Variants in EEIG1 observed in about 807,000 individuals in gnomAD.
The protein encoded by EEIG1 is estrogen-induced osteoclastogenesis regulator 1.
the EEIG1 span, chr9:127,945,903 C>T: frequency 4.8e-6 from 3 of 630,038 alleles, no homozygotes; most frequent in South Asian, 5.7e-5. This position sits in a 1 kb window ranked among gnomAD's most constrained non-coding sequence, Gnocchi z 6.5. Context: ...AGCAACCAGC[C>T]TGAGCCATAG....
At chr9:127,963,403 C>T in the EEIG1 span, among the ~76,000 whole-genome samples, 1 of 152,224 alleles carries the variant, frequency 6.6e-6, no homozygotes, top group African/African-American at 2.4e-5. Flanking sequence ...GGCGTGCTTC[C>T]CCCGCTCCCC....
chr9:127,944,986 G>A, the EEIG1 span: 57 of 1,474,392 alleles, frequency 3.9e-5, 1 homozygote, highest in Admixed American at 7.6e-4. Flanking sequence ...CCAGTCAGCC[G>A]CAGCGGCGCT....
At chr9:127,980,037 T>C in the EEIG1 span, 2 of 1,613,732 alleles carry the variant, frequency 1.2e-6, no homozygotes, top group Non-Finnish European at 1.7e-6. Flanking sequence ...CAGCCGGACC[T>C]TGCAGAAGAG....
At chr9:127,944,493 G>A in the EEIG1 span, 1 of 715,094 alleles carries the variant, frequency 1.4e-6, no homozygotes, top group South Asian at 1.6e-5. Flanking sequence ...GACATGACAG[G>A]CCCAGGGTCA....
chr9:127,978,705 C>G, the EEIG1 span, among the ~76,000 whole-genome samples: 3 of 151,984 alleles, frequency 2.0e-5, no homozygotes, highest in Admixed American at 6.5e-5. Context: ...ATCGTGGTAG[C>G]GTGCGCCTGT....
chr9:127,942,002 T>TG, the EEIG1 span: 1 of 152,734 alleles, frequency 6.5e-6, no homozygotes. Flanking sequence ...TACAAGGACT[T>TG]GGGGGAAAGT....
the EEIG1 span, among the ~76,000 whole-genome samples, chr9:127,967,088 T>C: frequency 6.6e-6 from 1 of 152,230 alleles, no homozygotes; most frequent in Admixed American, 6.5e-5. Context: ...ACCAGGTTTA[T>C]GCCAAGGGAG....
chr9:127,953,463 T>A, the EEIG1 span: 1 of 865,428 alleles, frequency 1.2e-6, no homozygotes. Flanking sequence ...ACATCTCAGG[T>A]AGGGCTGAGT....
the EEIG1 span, among the ~76,000 whole-genome samples, chr9:127,964,269 G>A: frequency 6.6e-6 from 1 of 152,228 alleles, no homozygotes; most frequent in African/African-American, 2.4e-5. Flanking sequence ...ACAGAGGGAG[G>A]ATGCAGAGAA....
the EEIG1 span, among the ~76,000 whole-genome samples, chr9:127,964,206 A>G: frequency 1.3e-5 from 2 of 152,180 alleles, no homozygotes; most frequent in Non-Finnish European, 2.9e-5. Context: ...TACCCATCAC[A>G]TGGGGCTGTT....
chr9:127,944,871 G>A, the EEIG1 span: 3 of 1,612,462 alleles, frequency 1.9e-6, no homozygotes, highest in Non-Finnish European at 1.7e-6. Context: ...CCCAGGTCGG[G>A]TGGCTCTCCA....
At chr9:127,943,051 G>A in the EEIG1 span, 27 of 750,828 alleles carry the variant, frequency 3.6e-5, no homozygotes, top group Non-Finnish European at 6.3e-5. Context: ...GATGCTACGG[G>A]GAGTGTGGAC....
the EEIG1 span, among the ~76,000 whole-genome samples, chr9:127,967,593 C>T: frequency 1.3e-5 from 2 of 152,208 alleles, no homozygotes; most frequent in South Asian, 4.1e-4. Context: ...TCCCCAGGAT[C>T]CATGCCCACA....
the EEIG1 span, among the ~76,000 whole-genome samples, chr9:127,975,067 G>A: frequency 6.6e-6 from 1 of 152,248 alleles, no homozygotes; most frequent in African/African-American, 2.4e-5. Flanking sequence ...GATTCAACCA[G>A]CATTCCACAG....
chr9:127,964,828 G>A, the EEIG1 span, among the ~76,000 whole-genome samples: 198 of 152,256 alleles, frequency 1.3e-3, 2 homozygotes, highest in African/African-American at 4.4e-3. Flanking sequence ...GCAGCCAGGC[G>A]CGGTGGCTCA....
chr9:127,952,438 A>G, the EEIG1 span, among the ~76,000 whole-genome samples: 2 of 152,224 alleles, frequency 1.3e-5, no homozygotes, highest in African/African-American at 4.8e-5. Flanking sequence ...CATGGAGAAG[A>G]GGGATGGAAG....
At chr9:127,941,755 A>T in the EEIG1 span, 1 of 152,248 alleles carries the variant, frequency 6.6e-6, no homozygotes, top group African/African-American at 2.4e-5. Flanking sequence ...GCTGGGCCCC[A>T]GCGCTGCTGG....
At chr9:127,962,360 T>C in the EEIG1 span, among the ~76,000 whole-genome samples, 2 of 152,202 alleles carry the variant, frequency 1.3e-5, no homozygotes, top group Admixed American at 6.5e-5. Context: ...TCCTTTGTCT[T>C]GAACAGAAAG....
chr9:127,947,350 T>C, the EEIG1 span, among the ~76,000 whole-genome samples: 1 of 150,382 alleles, frequency 6.6e-6, no homozygotes, highest in East Asian at 2.0e-4. Flanking sequence ...GCAGGAGAAA[T>C]GCTTGAACCT....
Sources: allele counts gnomAD v4.1 joint callset (sites outside exome capture counted in the v4.1 genomes callset), GRCh38; gene constraint gnomAD v4.1.1; non-coding constraint Gnocchi (gnomAD v3.1); transcripts MANE v1.5; gene names NCBI Gene and HGNC (gene_info 2026-07-23, HGNC 2026-07-21).